EFCAB5: variants seen among roughly 807,000 people sequenced by gnomAD.
EFCAB5 encodes EF-hand calcium-binding domain-containing protein 5.
A neutral mutation model predicts 167.9 loss-of-function variants in EFCAB5; 131 were observed. The observed-to-expected ratio is 0.78, with a 90% CI of 0.68 to 0.90. The LOEUF (loss-of-function observed/expected upper bound fraction) is 0.90. Among genes scored for constraint, EFCAB5 ranks in the 40% least tolerant of loss-of-function variants. The probability of loss-of-function intolerance (pLI) is 0.00; values close to 1 mark genes in which losing one functional copy is unlikely to be tolerated. For synonymous variants in EFCAB5, 574 were observed against 602.8 expected (o/e 0.95, Z 0.70); for missense variants, 1,663 against 1,745.2 (o/e 0.95, Z 0.84).
At position 30,051,009 on chromosome 17, in the gene EFCAB5, G is replaced by C. The variant is rs1001074477; in HGVS notation, c.1201-109G>C. 5 of 783,458 alleles carry C rather than the reference G, an allele frequency of 6.4e-6. No individual in the cohort carries two copies. In the Admixed American group the frequency reaches 1.3e-4, roughly 20 times the overall value. 48.5% of individuals were successfully genotyped at this position (783,458 alleles called of 1,614,324 possible). A position where few individuals can be genotyped will look rare whatever the true frequency, so the allele number is the denominator to read the frequency against. On this transcript the variant is annotated intron_variant, in intron 8 of 22. Coordinates refer to ENST00000394835, the MANE Select transcript of EFCAB5 (RefSeq NM_198529.4). ...CTGCAGCTTTTATTTACATGATAATGATTGTTGTGGTGATAGTGATGATAA... is the reference window on the plus strand; with the variant it reads ...CTGCAGCTTTTATTTACATGATAATCATTGTTGTGGTGATAGTGATGATAA...
chr17:30,000,039 T>C, intron 7 of EFCAB5, 63 bp downstream of exon 7: 1 of 1,227,932 alleles, frequency 8.1e-7, no homozygotes. Context: ...TGTCTGTTGG[T>C]GGCTGTCACA....
chr17:30,093,134 T>C (rs894292792), intron 22 of EFCAB5, among the ~76,000 whole-genome samples, 198 bp downstream of exon 22: 5 of 152,196 alleles, frequency 3.3e-5, no homozygotes, highest in African/African-American at 1.2e-4. Flanking sequence ...TTTTGAGAAT[T>C]CAAAAGCACA....
chr17:30,033,851 T>A (rs1301098153), intron 7 of EFCAB5, among the ~76,000 whole-genome samples: 2 of 152,258 alleles, frequency 1.3e-5, no homozygotes, highest in African/African-American at 2.4e-5. Flanking sequence ...CACATGCTTT[T>A]ATATACCATA....
intron 8 of EFCAB5, among the ~76,000 whole-genome samples, chr17:30,049,479 C>CAAAACA (rs558045566): frequency 7.2e-4 from 102 of 141,356 alleles, no homozygotes; most frequent in African/African-American, 2.2e-3. Context: ...GACTGTGTCT[C>CAAAACA]AAAACAAAAA....
chr17:30,001,457 G>A (rs545170569), intron 7 of EFCAB5, among the ~76,000 whole-genome samples: 5 of 152,222 alleles, frequency 3.3e-5, no homozygotes, highest in South Asian at 4.2e-4. Context: ...CTAAAAGTAC[G>A]CAAGTTAGAA....
At chr17:29,994,817 G>C (rs1197250983) in intron 5 of EFCAB5, among the ~76,000 whole-genome samples, 1 of 152,124 alleles carries the variant, frequency 6.6e-6, no homozygotes, top group African/African-American at 2.4e-5. Flanking sequence ...ATAAAAAGAG[G>C]CTCCATCAAG....
chr17:30,053,461 C>T lies in EFCAB5; in HGVS notation c.1507C>T (p.Pro503Ser). The change falls in exon 10 of 23, where the codon CCA (proline) becomes TCA (serine). Residue 503 changes from proline (P) to serine (S), a missense_variant. Transcript: ENST00000394835. Reference sequence around the variant, plus strand: ...CGAACAGAGAACATCAACACCATCACCAAACCCGCCAGAACAGCAGAGAGG... The same window carrying T: ...CGAACAGAGAACATCAACACCATCATCAAACCCGCCAGAACAGCAGAGAGG... Reference protein sequence around the residue: ...LNEQRTSTPSPNPPEQQRGVT... With the variant: ...LNEQRTSTPSSNPPEQQRGVT... 2 of 1,613,968 alleles carry T rather than the reference C, an allele frequency of 1.2e-6. No homozygotes were observed. The highest frequency in any genetic ancestry group is 3.3e-4 in the Middle Eastern group (2 of 6,062).
intron 14 of EFCAB5, among the ~76,000 whole-genome samples, chr17:30,060,448 T>C (rs149918841): frequency 5.7e-4 from 87 of 152,336 alleles, no homozygotes; most frequent in African/African-American, 2.0e-3. Context: ...GTATGATAAA[T>C]TCCTTTCTTC....
intron 3 of EFCAB5, chr17:29,968,477 T>C: frequency 2.8e-6 from 1 of 351,992 alleles, no homozygotes; most frequent in Non-Finnish European, 5.4e-6. Flanking sequence ...TTTTTTGCTG[T>C]GAGGAAGTGA....
chr17:30,046,506 C>A (rs984180116), intron 8 of EFCAB5, among the ~76,000 whole-genome samples: 1 of 152,112 alleles, frequency 6.6e-6, no homozygotes, highest in African/African-American at 2.4e-5. Flanking sequence ...AGCTTCAGGG[C>A]AGATACGGAT....
intron 4 of EFCAB5, among the ~76,000 whole-genome samples, chr17:29,975,703 A>C (rs550102380): frequency 6.6e-6 from 1 of 152,124 alleles, no homozygotes; most frequent in Non-Finnish European, 1.5e-5. Flanking sequence ...TATGTGCAGA[A>C]CTCTTGTTTT....
At chr17:30,049,116 CAGCATTAGATACCTTGGTAAAGT>C (rs1394142427) in intron 8 of EFCAB5, among the ~76,000 whole-genome samples, 2 of 152,068 alleles carry the variant, frequency 1.3e-5, no homozygotes, top group Non-Finnish European at 2.9e-5. Flanking sequence ...GAGCTGAAAG[CAGCATTAGATACCTTGGTAAAGT>C]AGCATTAGAT....
In EFCAB5 at chr17:29,969,075, G is replaced by T; in HGVS notation, c.475G>T (p.Glu159Ter). 1 of 1,612,514 alleles carries T rather than the reference G, an allele frequency of 6.2e-7. No individual in the cohort carries two copies. The highest frequency in any genetic ancestry group is 1.1e-5 in the South Asian group (1 of 90,468). ...KKLPRDNLAKEWFNTDSMTLN... is the reference protein window; with the variant it reads ...KKLPRDNLAK ...ACTCCCTAGGGATAATTTGGCCAAA[G>T]AGTGGTTTAATACTGACAGCATGAC... Residue 159 changes from glutamate (E) to a stop codon, truncating the protein, a stop_gained, in exon 4 of 23, where the codon GAG becomes TAG. Coordinates refer to ENST00000394835, the MANE Select transcript of EFCAB5 (RefSeq NM_198529.4). LOFTEE classifies it high-confidence loss of function.
chr17:29,987,709 A>G (rs1301940060), intron 4 of EFCAB5, among the ~76,000 whole-genome samples: 1 of 152,204 alleles, frequency 6.6e-6, no homozygotes, highest in East Asian at 1.9e-4. Context: ...TATATGGGGT[A>G]TCAGTAATGT....
intron 10 of EFCAB5, among the ~76,000 whole-genome samples, chr17:30,054,469 T>C: frequency 6.6e-6 from 1 of 152,220 alleles, no homozygotes; most frequent in Non-Finnish European, 1.5e-5. Context: ...ATGTCTGATA[T>C]TAGAAACCAC....
At chr17:29,932,376 C>T (rs1026384858) in intron 1 of EFCAB5, among the ~76,000 whole-genome samples, 3 of 150,972 alleles carry the variant, frequency 2.0e-5, no homozygotes, top group Admixed American at 6.6e-5. Context: ...GTCTCGAACT[C>T]CTGTCCTCAA....
At chr17:29,983,456 C>G (rs1025822364) in intron 4 of EFCAB5, among the ~76,000 whole-genome samples, 2 of 152,246 alleles carry the variant, frequency 1.3e-5, no homozygotes, top group Admixed American at 1.3e-4. Context: ...AGTACAGGAA[C>G]AGACTCCACT....
chr17:30,051,261 A>G lies in EFCAB5; in HGVS notation c.1300+44A>G, dbSNP rs142679071. 15 of 1,536,472 alleles carry G rather than the reference A, an allele frequency of 9.8e-6. No homozygotes were observed. The East Asian group carries it at 3.4e-4, about 35-fold the overall frequency. On this transcript the variant is annotated intron_variant, in intron 9 of 22. Coordinates refer to ENST00000394835, the MANE Select transcript of EFCAB5 (RefSeq NM_198529.4). ...GAGTATGTTCAAGCTGGAGTGTCGC[A>G]GTGCACTGATATGTACTGATATGAT...
chr17:30,059,698 A>G lies in EFCAB5; in HGVS notation c.2734A>G (p.Lys912Glu), dbSNP rs2070374099. Residue 912 changes from lysine to glutamate, a missense_variant, in exon 14 of 23, where the codon AAA becomes GAA. Physicochemically the swap from Lys to Glu is moderately conservative, Grantham distance 56. Transcript: ENST00000394835. ...KEGMEKESMK[K>E]AKLHIQFPKP... The stretch of plus-strand genomic sequence containing the variant: ...GGGAATGGAAAAAGAATCTATGAAG[A>G]AAGGTAAAATATAAGAATGTTCTTA... 1.9e-6 allele frequency: 3 copies of G among 1,593,290 alleles called. No homozygotes were observed. The Admixed American group carries it at 5.3e-5, about 28-fold the overall frequency.
Sources: gnomAD v4.1 joint callset for allele counts (sites outside exome capture counted in the v4.1 genomes callset) on GRCh38, gnomAD v4.1.1 for gene constraint, MANE v1.5 for transcripts, NCBI Gene and HGNC (gene_info 2026-07-23, HGNC 2026-07-21) for gene names.